The following MYO16 variants were observed in gnomAD, a reference collection of about 807,000 sequenced individuals.
MYO16 encodes unconventional myosin-XVI.
Under a neutral mutation model 205.3 loss-of-function variants are expected in MYO16, and 94 were observed. The ratio of observed to expected loss-of-function variants is 0.46; its 90% CI spans 0.39 to 0.54. The LOEUF is 0.54. Ranked by LOEUF, MYO16 falls within the 20% of genes least tolerant of loss-of-function variation. The pLI, the probability that MYO16 is intolerant of heterozygous loss-of-function variation, is 0.00. For synonymous variants in MYO16, 988 were observed against 954.0 expected (o/e 1.04, Z -0.66); for missense variants, 2,315 against 2,387.5 (o/e 0.97, Z 0.63).
At chr13:108,961,745 C>T (rs1191770296) in intron 18 of MYO16, 89 bp downstream of exon 18, 2 of 1,051,690 alleles carry the variant, frequency 1.9e-6, no homozygotes, top group African/African-American at 3.1e-5. Context: ...ACAGAAAAGC[C>T]AGTTGGCTTA....
chr13:108,535,654 A>G, the MYO16 span, among the ~76,000 whole-genome samples: 1 of 152,206 alleles, frequency 6.6e-6, no homozygotes, highest in Non-Finnish European at 1.5e-5. Flanking sequence ...TGAGCCCCGT[A>G]GAATGGAATT....
the MYO16 span, among the ~76,000 whole-genome samples, chr13:108,548,579 ATGG>A: frequency 4.8e-5 from 7 of 146,200 alleles, no homozygotes; most frequent in African/African-American, 7.6e-5. Flanking sequence ...GATAATAATG[ATGG>A]TGGTGGTGGT....
At chr13:108,827,450 T>A (rs1876338279) in intron 9 of MYO16, among the ~76,000 whole-genome samples, 2 of 152,158 alleles carry the variant, frequency 1.3e-5, no homozygotes, top group African/African-American at 4.8e-5. Flanking sequence ...CAGTAAACAC[T>A]GCCTGTCTTT....
intron 6 of MYO16, among the ~76,000 whole-genome samples, chr13:108,794,524 CTATGGA>C (rs1437191795): frequency 6.6e-6 from 1 of 152,142 alleles, no homozygotes; most frequent in Non-Finnish European, 1.5e-5. Flanking sequence ...GTAAAACAAA[CTATGGA>C]TGACTTTGGT....
intron 9 of MYO16, among the ~76,000 whole-genome samples, chr13:108,832,789 T>C (rs1213632497): frequency 6.6e-6 from 1 of 152,154 alleles, no homozygotes; most frequent in Non-Finnish European, 1.5e-5. Context: ...TTGATATGTA[T>C]GTGTAATTTT....
chr13:108,526,243 A>T, the MYO16 span, among the ~76,000 whole-genome samples: 2 of 152,208 alleles, frequency 1.3e-5, no homozygotes, highest in African/African-American at 4.8e-5. Context: ...AAAATCAATT[A>T]TAAAACTTAT....
At chr13:108,713,644 A>G (rs1745247039) in intron 3 of MYO16, among the ~76,000 whole-genome samples, 1 of 152,206 alleles carries the variant, frequency 6.6e-6, no homozygotes, top group Non-Finnish European at 1.5e-5. Context: ...TTTATGGCCA[A>G]CATTGGGGAA....
At chr13:108,893,060 T>C (rs982138166) in intron 14 of MYO16, among the ~76,000 whole-genome samples, 1 of 152,212 alleles carries the variant, frequency 6.6e-6, no homozygotes, top group African/African-American at 2.4e-5. Context: ...TGAAAAAATA[T>C]TGCCCAGGTT....
intron 34 of MYO16, among the ~76,000 whole-genome samples, chr13:109,199,369 A>G (rs1880315962): frequency 6.6e-6 from 1 of 151,442 alleles, no homozygotes; most frequent in African/African-American, 2.4e-5. Context: ...CCTAGAGCAG[A>G]GGCATACGAT....
the MYO16 span, among the ~76,000 whole-genome samples, chr13:108,576,130 T>G: frequency 0.99 from 150,351 of 152,214 alleles, 74,279 homozygotes; most frequent in East Asian, 1. Flanking sequence ...AAGCTGAAGT[T>G]CCAAAACTAC....
At chr13:108,648,492 T>C (rs981830372) in intron 1 of MYO16, among the ~76,000 whole-genome samples, 2 of 152,126 alleles carry the variant, frequency 1.3e-5, no homozygotes, top group African/African-American at 2.4e-5. Context: ...GAATTGTTGT[T>C]CTCATTATAA....
intron 21 of MYO16, among the ~76,000 whole-genome samples, chr13:109,004,126 C>A (rs1228573388): frequency 6.6e-6 from 1 of 152,216 alleles, no homozygotes; most frequent in South Asian, 2.1e-4. Flanking sequence ...CAATTTGTTC[C>A]CTAAAATGTA....
At chr13:108,829,729 G>T (rs939140915) in intron 9 of MYO16, among the ~76,000 whole-genome samples, 1 of 152,104 alleles carries the variant, frequency 6.6e-6, no homozygotes, top group African/African-American at 2.4e-5. Flanking sequence ...AGTGACTCTT[G>T]GGGAGGAGAA....
intron 27 of MYO16, among the ~76,000 whole-genome samples, chr13:109,068,475 G>T (rs1285135666): frequency 6.6e-6 from 1 of 151,276 alleles, no homozygotes; most frequent in South Asian, 2.1e-4. Context: ...ATAATAATGG[G>T]CATGGCTATA....
intron 2 of MYO16, among the ~76,000 whole-genome samples, chr13:108,673,489 C>T (rs574576044): frequency 2.2e-4 from 33 of 151,950 alleles, no homozygotes; most frequent in Middle Eastern, 3.4e-3. Context: ...ACTATAATAT[C>T]ATACTTTATT....
At chr13:108,854,687 T>G (rs1878074572) in intron 10 of MYO16, among the ~76,000 whole-genome samples, 1 of 152,158 alleles carries the variant, frequency 6.6e-6, no homozygotes, top group South Asian at 2.1e-4. Context: ...TACTACCATA[T>G]TACATCAAAT....
At chr13:108,972,079 A>G (rs1488048134) in intron 20 of MYO16, among the ~76,000 whole-genome samples, 1 of 148,764 alleles carries the variant, frequency 6.7e-6, no homozygotes, top group African/African-American at 2.5e-5. Flanking sequence ...GTGATGGTAC[A>G]TACCTGTGGT....
intron 4 of MYO16, 79 bp downstream of exon 4, chr13:108,727,662 C>A (rs566313016): frequency 6.8e-6 from 10 of 1,479,622 alleles, no homozygotes; most frequent in African/African-American, 1.4e-5. Context: ...TGCTATTTTA[C>A]AATATGTAAT....
At chr13:108,921,331 C>A (rs931897946) in intron 16 of MYO16, among the ~76,000 whole-genome samples, 1 of 152,176 alleles carries the variant, frequency 6.6e-6, no homozygotes, top group Admixed American at 6.5e-5. Context: ...GGATCATGGT[C>A]CATGTCCCAG....
Sources: allele counts gnomAD v4.1 joint callset (sites outside exome capture counted in the v4.1 genomes callset), GRCh38; gene constraint gnomAD v4.1.1; transcripts MANE v1.5; gene names NCBI Gene and HGNC (gene_info 2026-07-23, HGNC 2026-07-21).